Variants in SPAG17 observed in about 807,000 individuals in gnomAD.
SPAG17 encodes the protein sperm associated antigen 17.
A neutral mutation model predicts 273.6 loss-of-function variants in SPAG17; 169 were observed. The ratio of observed to expected loss-of-function variants is 0.62; its 90% confidence interval spans 0.55 to 0.70. The LOEUF (loss-of-function observed/expected upper bound fraction) is 0.70. Ranked by LOEUF, SPAG17 falls within the 30% of genes least tolerant of loss-of-function variation. The pLI is 0.00. For missense variants in SPAG17, 2,557 were observed against 2,627.8 expected, an observed-to-expected ratio of 0.97 and a Z score of 0.59; for synonymous variants, 825 against 873.2, an observed-to-expected ratio of 0.94 and a Z score of 0.97.
At chr1:118,107,450 A>G (rs1656468971) in intron 4 of SPAG17, among the ~76,000 whole-genome samples, 2 of 152,282 alleles carry the variant, frequency 1.3e-5, no homozygotes, top group Middle Eastern at 3.4e-3. Context: ...AGACTGGAGA[A>G]CAGTATATTT....
At chr1:118,006,421 A>G (rs1014058493) in intron 31 of SPAG17, among the ~76,000 whole-genome samples, 1 of 152,246 alleles carries the variant, frequency 6.6e-6, no homozygotes, top group South Asian at 2.1e-4. Flanking sequence ...TGTAGCACAC[A>G]GTACTTTATT....
chr1:118,142,004 C>T (rs1371701928), intron 3 of SPAG17, among the ~76,000 whole-genome samples: 1 of 152,188 alleles, frequency 6.6e-6, no homozygotes, highest in African/African-American at 2.4e-5. Context: ...TTTCAGTAAT[C>T]ATACTCCACT....
intron 20 of SPAG17, among the ~76,000 whole-genome samples, chr1:118,048,042 G>A (rs1341950157): frequency 6.6e-6 from 1 of 152,008 alleles, no homozygotes; most frequent in African/African-American, 2.4e-5. Context: ...TGGCTACATG[G>A]TTCTAGGACC....
chr1:118,061,867 A>G (rs929682957), intron 18 of SPAG17, among the ~76,000 whole-genome samples: 53 of 152,242 alleles, frequency 3.5e-4, no homozygotes, highest in African/African-American at 1.1e-3. Context: ...ACTAGTGAGA[A>G]TAAACAAAAT....
At chr1:118,067,437 A>G (rs1268149978) in intron 17 of SPAG17, among the ~76,000 whole-genome samples, 6 of 152,148 alleles carry the variant, frequency 3.9e-5, no homozygotes, top group African/African-American at 1.2e-4. Flanking sequence ...AAGAGGCAGC[A>G]GATAACCTGC....
chr1:118,081,144 C>T lies in SPAG17; in HGVS notation c.2166G>A (p.Glu722=), dbSNP rs745476940. ...GCTGAGCCTTCATGATGCTCTCCTG[C>T]TCTAACAGCTGTCTATTATCAGGGA... is the stretch of plus-strand genomic sequence containing the variant. The part of the protein sequence containing the change: ...LSVPDNRQLL[E]QESIMKAQPQ... The change falls in exon 15 of 49, where the codon GAG becomes GAA. Residue 722 remains glutamate (E), a synonymous_variant. Coordinates refer to ENST00000336338, the MANE Select transcript of SPAG17 (RefSeq NM_206996.4). 4.2e-5 allele frequency: 68 copies of T among 1,613,910 alleles called. No individual in the cohort carries two copies. Among genetic ancestry groups the T allele is most frequent in the Non-Finnish European group, 5.4e-5 (64 of 1,180,010 alleles).
intron 17 of SPAG17, among the ~76,000 whole-genome samples, chr1:118,067,104 C>G (rs1653059390): frequency 6.6e-6 from 1 of 152,136 alleles, no homozygotes; most frequent in Admixed American, 6.5e-5. Flanking sequence ...TTCAGCAACA[C>G]TTTAGAAAAA....
chr1:118,031,978 T>C, intron 24 of SPAG17, 111 bp from the exon 25 acceptor site: 1 of 800,602 alleles, frequency 1.2e-6, no homozygotes, highest in East Asian at 2.7e-5. Flanking sequence ...AATTTTTACC[T>C]TGCTAAATAT....
chr1:118,106,136 T>C (rs757561206), intron 4 of SPAG17, among the ~76,000 whole-genome samples: 1 of 152,240 alleles, frequency 6.6e-6, no homozygotes, highest in African/African-American at 2.4e-5. Flanking sequence ...CTGATGGGTC[T>C]GTCCCACAAA....
chr1:117,957,304 C>T (rs1652358461), intron 48 of SPAG17: 7 of 1,350,662 alleles, frequency 5.2e-6, no homozygotes, highest in East Asian at 2.6e-5. Flanking sequence ...ATGCCGAACT[C>T]GGTGGCTCAC....
intron 18 of SPAG17, among the ~76,000 whole-genome samples, chr1:118,063,726 T>C (rs1199805807): frequency 2.6e-5 from 4 of 152,092 alleles, no homozygotes; most frequent in East Asian, 1.9e-4. Flanking sequence ...AAAGCCGAAA[T>C]TGACAAATGG....
intron 1 of SPAG17, among the ~76,000 whole-genome samples, chr1:118,160,727 G>T (rs2102370540): frequency 6.6e-6 from 1 of 152,310 alleles, no homozygotes; most frequent in African/African-American, 2.4e-5. Context: ...TATTTTGGCA[G>T]CCCAATTACA....
intron 3 of SPAG17, among the ~76,000 whole-genome samples, chr1:118,117,702 C>T (rs1657172646): frequency 6.6e-6 from 1 of 152,140 alleles, no homozygotes; most frequent in African/African-American, 2.4e-5. Flanking sequence ...CCCGAACTGC[C>T]CTGGGGCGGC....
chr1:118,060,573 G>A (rs550434085), intron 18 of SPAG17, among the ~76,000 whole-genome samples: 1 of 152,288 alleles, frequency 6.6e-6, no homozygotes, highest in South Asian at 2.1e-4. Flanking sequence ...CACCATTACA[G>A]TATTAGAGTA....
At chr1:118,034,490 A>G (rs546892042) in intron 24 of SPAG17, among the ~76,000 whole-genome samples, 65 of 152,156 alleles carry the variant, frequency 4.3e-4, no homozygotes, top group African/African-American at 3.4e-4. Context: ...ATTCTCACTC[A>G]CCTCCAAAGA....
chr1:118,113,846 T>C (rs936617895), intron 4 of SPAG17, among the ~76,000 whole-genome samples: 2 of 152,154 alleles, frequency 1.3e-5, no homozygotes, highest in African/African-American at 2.4e-5. Context: ...TTTTATATTG[T>C]TGCAAGCTTT....
At chr1:117,991,285 T>G in intron 37 of SPAG17, 130 bp downstream of exon 37, 1 of 529,096 alleles carries the variant, frequency 1.9e-6, no homozygotes, top group South Asian at 3.9e-5. Flanking sequence ...CCACAAAAAT[T>G]GAAAATTATG....
At chr1:118,174,604 A>G (rs926792481) in intron 1 of SPAG17, among the ~76,000 whole-genome samples, 3 of 152,184 alleles carry the variant, frequency 2.0e-5, no homozygotes, top group Admixed American at 6.5e-5. Flanking sequence ...TTGAGGAATG[A>G]CATGCATATA....
intron 48 of SPAG17, chr1:117,954,522 A>G (rs1557825994): frequency 6.6e-7 from 1 of 1,519,986 alleles, no homozygotes; most frequent in East Asian, 2.3e-5. Context: ...TCTGTCTATA[A>G]CAAGTGCTAC....
Sources: allele counts gnomAD v4.1 joint callset (sites outside exome capture counted in the v4.1 genomes callset), GRCh38; gene constraint gnomAD v4.1.1; transcripts MANE v1.5; gene names NCBI Gene and HGNC (gene_info 2026-07-23, HGNC 2026-07-21).